The following NOPCHAP1 variants were observed in gnomAD, a reference collection of about 807,000 sequenced individuals.
NOPCHAP1 encodes the protein DNA damage-sensitive RNA 1.
A neutral mutation model predicts 14.0 loss-of-function variants in NOPCHAP1; 13 were observed. The ratio of observed to expected loss-of-function variants is 0.93; its 90% CI spans 0.60 to 1.47. NOPCHAP1 has a LOEUF of 1.47. Ranked by LOEUF, NOPCHAP1 falls within the 40% of genes most tolerant of loss-of-function variation. The probability of loss-of-function intolerance (pLI) is 0.00; values close to 1 mark genes in which losing one functional copy is unlikely to be tolerated. For missense variants in NOPCHAP1, 230 were observed against 226.9 expected, an observed-to-expected ratio of 1.01 and a Z score of -0.09; for synonymous variants, 78 against 78.4, an observed-to-expected ratio of 1.00 and a Z score of 0.03.
chr12:105,000,058 C>G lies in NOPCHAP1; in HGVS notation c.*5362C>G, dbSNP rs1193111414. The G allele has an allele frequency of 6.6e-6, 1 of 152,212 alleles. No homozygotes were observed. The highest frequency in any genetic ancestry group is 2.4e-5 in the African/African-American group (1 of 41,456). The allele number at this position is 152,212 out of a possible 1,614,324, so 9.4% of individuals were successfully genotyped here. A position where few individuals can be genotyped will look rare whatever the true frequency, so the allele number is the denominator to read the frequency against. ...CCCTTTATAGCATAATGTGTATAAC[C>G]ACATTTAGTGGAAAAGCACCTTACT... is the stretch of plus-strand genomic sequence containing the variant. On this transcript the variant is annotated 3_prime_UTR_variant, in exon 4 of 4. Coordinates refer to ENST00000552951, the MANE Select transcript of NOPCHAP1 (RefSeq NM_152318.3).
chr12:104,994,420 A>C, intron 3 of NOPCHAP1, 58 bp from the exon 4 acceptor site: 5 of 1,435,188 alleles, frequency 3.5e-6, no homozygotes, highest in Non-Finnish European at 4.9e-6. Flanking sequence ...ATATTGTTTT[A>C]TTACGACTTT....
At position 104,998,528 on chromosome 12, in the gene NOPCHAP1, A is replaced by T. The variant is rs1454136386; in HGVS notation, c.*3832A>T. ...AGGCCCCTGGCTTTGTTCTCTGGCC[A>T]CTGGAGGTTAGGTACCTGCTGTGCT... On this transcript the variant is annotated 3_prime_UTR_variant, in exon 4 of 4. Transcript: ENST00000552951. 6.6e-6 allele frequency: 1 copy of T among 152,220 alleles called. No homozygotes were observed. Among genetic ancestry groups the T allele is most frequent in the Non-Finnish European group, 1.5e-5 (1 of 68,082 alleles). 9.4% of individuals were successfully genotyped at this position (152,220 alleles called of 1,614,324 possible).
rs1873714909 is a variant in NOPCHAP1 at position 105,006,608 on chromosome 12, C to G, written c.*11912C>G. On this transcript the variant is annotated 3_prime_UTR_variant, in exon 4 of 4. Coordinates refer to ENST00000552951, the MANE Select transcript of NOPCHAP1 (RefSeq NM_152318.3). ...TTGTTGTAAACCAGAAGACTGGCAA[C>G]TCGTATTTATCTTTTCCCTTCCAGG... The G allele has an allele frequency of 6.6e-6, 1 of 152,214 alleles. No individual in the cohort carries two copies. The highest frequency in any genetic ancestry group is 2.4e-5 in the African/African-American group (1 of 41,444). The allele number at this position is 152,214 out of a possible 1,614,324, so 9.4% of individuals were successfully genotyped here.
In NOPCHAP1 at chr12:105,016,624, G is replaced by A. The variant is rs113138617; in HGVS notation, c.*21928G>A. 14,561 of 152,180 alleles carry A rather than the reference G, an allele frequency of 0.096. 786 individuals are homozygous for A. The highest frequency in any genetic ancestry group is 0.13 in the African/African-American group (5,599 of 41,478). The allele number at this position is 152,180 out of a possible 1,614,324, so 9.4% of individuals were successfully genotyped here. ...GGCAGCAGGCAAGAGAGCTTGTGTA[G>A]GGGAGCTCCCCTTTATAAAACCATC... On this transcript the variant is annotated 3_prime_UTR_variant, in exon 4 of 4. Transcript: ENST00000552951.
chr12:105,007,380 A>G lies in NOPCHAP1; in HGVS notation c.*12684A>G, dbSNP rs968304992. ...CAACTACAGATGCAGACCTCAGTCTATGGTACACATCAAGCAATTCATATT... is the reference window on the plus strand; with the variant it reads ...CAACTACAGATGCAGACCTCAGTCTGTGGTACACATCAAGCAATTCATATT... On this transcript the variant is annotated 3_prime_UTR_variant, in exon 4 of 4. Transcript: ENST00000552951. The G allele has an allele frequency of 2.0e-5, 3 of 152,202 alleles. No homozygotes were observed. Among genetic ancestry groups the G allele is most frequent in the African/African-American group, 4.8e-5 (2 of 41,444 alleles). The allele number at this position is 152,202 out of a possible 1,614,324, so 9.4% of individuals were successfully genotyped here.
In NOPCHAP1 at chr12:105,004,770, C is replaced by CT. The variant is rs1873673555; in HGVS notation, c.*10074_*10075insT. 6.6e-6 allele frequency: 1 copy of CT among 152,102 alleles called. No homozygotes were observed. The highest frequency in any genetic ancestry group is 1.5e-5 in the Non-Finnish European group (1 of 68,016). The allele number at this position is 152,102 out of a possible 1,614,324, so 9.4% of individuals were successfully genotyped here. Reference sequence around the variant, plus strand: ...AACAATGCAGGAGTTAGGGTGCTGACCCCCTTTGTGGTCAAAAATCTATGT... The same window carrying CT: ...AACAATGCAGGAGTTAGGGTGCTGACTCCCCTTTGTGGTCAAAAATCTATGT... On this transcript the variant is annotated 3_prime_UTR_variant, in exon 4 of 4. Coordinates refer to ENST00000552951, the MANE Select transcript of NOPCHAP1 (RefSeq NM_152318.3).
rs1379291569 is a variant in NOPCHAP1, at chr12:104,986,324, G to C, written c.-29G>C. 2.5e-6 allele frequency: 4 copies of C among 1,571,348 alleles called. No individual in the cohort carries two copies. Among genetic ancestry groups the C allele is most frequent in the African/African-American group, 1.4e-5 (1 of 73,666 alleles). On this transcript the variant is annotated 5_prime_UTR_variant, in exon 1 of 4. Transcript: ENST00000552951. ...TTACCCGAGCCTTTTTCCTGCATCC[G>C]GGCCTGAGAGTGCAGGCTTGAGGGA...
intron 3 of NOPCHAP1, among the ~76,000 whole-genome samples, chr12:104,992,220 C>T (rs924119056): frequency 2.0e-5 from 3 of 152,152 alleles, no homozygotes; most frequent in Non-Finnish European, 4.4e-5. Flanking sequence ...AATGTTCTCT[C>T]AGTTTATACT....
At position 105,001,428 on chromosome 12, in the gene NOPCHAP1, A is replaced by G. The variant is rs1439064852; in HGVS notation, c.*6732A>G. On this transcript the variant is annotated 3_prime_UTR_variant, in exon 4 of 4. Coordinates refer to ENST00000552951, the MANE Select transcript of NOPCHAP1 (RefSeq NM_152318.3). The stretch of plus-strand genomic sequence containing the variant: ...CTTTCCAGGATTATGAGCTTGATAA[A>G]CCAAACATTAGTTATAAGCCATTTT... 1 of 152,220 alleles carries G rather than the reference A, an allele frequency of 6.6e-6. No individual in the cohort carries two copies. Among genetic ancestry groups the G allele is most frequent in the Non-Finnish European group, 1.5e-5 (1 of 68,024 alleles). 9.4% of individuals were successfully genotyped at this position (152,220 alleles called of 1,614,324 possible). A position where few individuals can be genotyped will look rare whatever the true frequency, so the allele number is the denominator to read the frequency against.
intron 3 of NOPCHAP1, among the ~76,000 whole-genome samples, chr12:104,992,716 C>G (rs1397485877): frequency 6.6e-6 from 1 of 152,168 alleles, no homozygotes. Context: ...CCTGTCAGAT[C>G]AGCAGTGGCA....
chr12:104,993,287 G>A (rs192124276), intron 3 of NOPCHAP1, among the ~76,000 whole-genome samples: 3 of 152,238 alleles, frequency 2.0e-5, no homozygotes, highest in African/African-American at 7.2e-5. Flanking sequence ...GTTGTGACTG[G>A]TGAACTCTGC....
At chr12:104,991,157 G>A (rs1377373524) in intron 2 of NOPCHAP1, among the ~76,000 whole-genome samples, 1 of 152,180 alleles carries the variant, frequency 6.6e-6, no homozygotes, top group Non-Finnish European at 1.5e-5. Context: ...TCACTGTGAT[G>A]CCACTAAAGC....
chr12:104,997,846 A>G lies in NOPCHAP1; in HGVS notation c.*3150A>G, dbSNP rs1221112370. On this transcript the variant is annotated 3_prime_UTR_variant, in exon 4 of 4. Transcript: ENST00000552951. ...TTTCAGTCACATCAATGAGTCATAG[A>G]TTGGGTCTCTTTTCATAATCCCATA... 6.6e-6 allele frequency: 1 copy of G among 152,116 alleles called. No individual in the cohort carries two copies. Among genetic ancestry groups the G allele is most frequent in the Non-Finnish European group, 1.5e-5 (1 of 68,020 alleles). The allele number at this position is 152,116 out of a possible 1,614,324, so 9.4% of individuals were successfully genotyped here.
At chr12:104,987,499 T>C (rs992434329) in intron 1 of NOPCHAP1, among the ~76,000 whole-genome samples, 7 of 152,218 alleles carry the variant, frequency 4.6e-5, no homozygotes, top group Non-Finnish European at 1.0e-4. Context: ...GGCTCTGCTT[T>C]GCAGGTGAAC....
rs189271981 is a variant in NOPCHAP1 at position 105,016,107 on chromosome 12, G to A, written c.*21411G>A. On this transcript the variant is annotated 3_prime_UTR_variant, in exon 4 of 4. Coordinates refer to ENST00000552951, the MANE Select transcript of NOPCHAP1 (RefSeq NM_152318.3). Reference sequence around the variant, plus strand: ...TGTTGCAAATAAATTCAAAAGATAAGGGAAATACTGGGGAAAATATCTGAA... The same window carrying A: ...TGTTGCAAATAAATTCAAAAGATAAAGGAAATACTGGGGAAAATATCTGAA... 3.3e-5 allele frequency: 5 copies of A among 151,272 alleles called. No individual in the cohort carries two copies. Among genetic ancestry groups the A allele is most frequent in the African/African-American group, 1.2e-4 (5 of 41,264 alleles). 9.4% of individuals were successfully genotyped at this position (151,272 alleles called of 1,614,324 possible). A position where few individuals can be genotyped will look rare whatever the true frequency, so the allele number is the denominator to read the frequency against.
At chr12:104,994,366 A>G (rs753674689) in intron 3 of NOPCHAP1, 112 bp from the exon 4 acceptor site, 1 of 1,051,002 alleles carries the variant, frequency 9.5e-7, no homozygotes, top group East Asian at 2.4e-5. Context: ...CCAAATTCTT[A>G]TCCTTTATGT....
At position 104,999,597 on chromosome 12, in the gene NOPCHAP1, G is replaced by A. The variant is rs1873568982; in HGVS notation, c.*4901G>A. On this transcript the variant is annotated 3_prime_UTR_variant, in exon 4 of 4. Coordinates refer to ENST00000552951, the MANE Select transcript of NOPCHAP1 (RefSeq NM_152318.3). ...TCTTAGGGGAGCAAGGTGAGTCATG[G>A]GTGATGGGCGTCCCTGGCCATGATC... 1 of 152,290 alleles carries A rather than the reference G, an allele frequency of 6.6e-6. No homozygotes were observed. The highest frequency in any genetic ancestry group is 2.1e-4 in the South Asian group (1 of 4,836). The allele number at this position is 152,290 out of a possible 1,614,324, so 9.4% of individuals were successfully genotyped here. A position where few individuals can be genotyped will look rare whatever the true frequency, so the allele number is the denominator to read the frequency against.
intron 2 of NOPCHAP1, among the ~76,000 whole-genome samples, chr12:104,988,498 C>T (rs1321558895): frequency 6.6e-6 from 1 of 152,152 alleles, no homozygotes; most frequent in Non-Finnish European, 1.5e-5. Flanking sequence ...AAGTCAAAAA[C>T]AATTGTTAAT....
Position 104,986,316 on chromosome 12 carries a change from C to T in NOPCHAP1, c.-37C>T, listed in dbSNP as rs1332529518. The T allele has an allele frequency of 6.4e-7, 1 of 1,557,950 alleles. No individual in the cohort carries two copies. The highest frequency in any genetic ancestry group is 8.7e-7 in the Non-Finnish European group (1 of 1,145,786). On this transcript the variant is annotated 5_prime_UTR_variant, in exon 1 of 4. Coordinates refer to ENST00000552951, the MANE Select transcript of NOPCHAP1 (RefSeq NM_152318.3). The stretch of plus-strand genomic sequence containing the variant: ...CCGCCCCCTTACCCGAGCCTTTTTC[C>T]TGCATCCGGGCCTGAGAGTGCAGGC...
Sources: allele counts gnomAD v4.1 joint callset (sites outside exome capture counted in the v4.1 genomes callset), GRCh38; gene constraint gnomAD v4.1.1; transcripts MANE v1.5; gene names NCBI Gene and HGNC (gene_info 2026-07-23, HGNC 2026-07-21).